The following PTPRZ1 variants were observed in gnomAD, a reference collection of about 807,000 sequenced individuals.
The protein encoded by PTPRZ1 is protein tyrosine phosphatase receptor type Z1, also known as receptor-type tyrosine-protein phosphatase zeta.
Under a neutral mutation model 214.1 loss-of-function variants are expected in PTPRZ1, and 82 were observed. The observed-to-expected ratio is 0.38, with a 90% CI of 0.32 to 0.46. The LOEUF is 0.46. Among genes scored for constraint, PTPRZ1 ranks in the 20% least tolerant of loss-of-function variants. PTPRZ1 has a pLI of 1.00. For missense variants in PTPRZ1, 2,603 were observed against 2,748.7 expected, an observed-to-expected ratio of 0.95 and a Z score of 1.19; for synonymous variants, 945 against 987.9, an observed-to-expected ratio of 0.96 and a Z score of 0.81.
In PTPRZ1 at chr7:121,976,781, A is replaced by G; in HGVS notation, c.553-4A>G. On this transcript the variant is annotated splice_polypyrimidine_tract_variant and splice_region_variant and intron_variant, in intron 5 of 29. Transcript: ENST00000393386. Reference sequence around the variant, plus strand: ...TTTTTTAGAATGTGATTCTTTTTTAACAGGTTGGGACAGAAGAAAATTTGG... The same window carrying G: ...TTTTTTAGAATGTGATTCTTTTTTAGCAGGTTGGGACAGAAGAAAATTTGG... The G allele has an allele frequency of 1.9e-6, 3 of 1,584,942 alleles. No individual in the cohort carries two copies. Among genetic ancestry groups the G allele is most frequent in the Non-Finnish European group, 2.6e-6 (3 of 1,165,852 alleles).
intron 29 of PTPRZ1, among the ~76,000 whole-genome samples, 191 bp from the exon 30 acceptor site, chr7:122,060,889 C>T (rs1792552487): frequency 1.3e-5 from 2 of 152,170 alleles, no homozygotes; most frequent in Middle Eastern, 6.8e-3. Flanking sequence ...AATGGTCTGC[C>T]GATTGCAACG....
chr7:121,966,278 T>G (rs1797045243), intron 2 of PTPRZ1, among the ~76,000 whole-genome samples: 1 of 152,180 alleles, frequency 6.6e-6, no homozygotes, highest in Non-Finnish European at 1.5e-5. Flanking sequence ...TTATATTCAG[T>G]GTTATTGAAG....
intron 6 of PTPRZ1, among the ~76,000 whole-genome samples, chr7:121,977,068 T>C (rs987351930): frequency 1.3e-5 from 2 of 152,216 alleles, no homozygotes; most frequent in African/African-American, 2.4e-5. Context: ...CATGAAACAT[T>C]AATGTAAGTA....
At chr7:121,883,459 T>G (rs924131748) in intron 1 of PTPRZ1, among the ~76,000 whole-genome samples, 2 of 152,236 alleles carry the variant, frequency 1.3e-5, no homozygotes, top group Non-Finnish European at 2.9e-5. Context: ...GTACACAGGC[T>G]TTCTTAACCA....
In PTPRZ1 at chr7:122,005,637, G is replaced by GAT. The variant is rs879935574; in HGVS notation, c.1287+990_1287+991dup. ...ACATACATGCTCACATGCATATGGA[G>GAT]ATATATATATATATGTATATATACA... On this transcript the variant is annotated intron_variant, in intron 11 of 29. Transcript: ENST00000393386. Among the ~76,000 whole-genome samples the GAT allele has an allele frequency of 7.9e-3, 1,183 of 150,588 alleles. 20 individuals are homozygous for GAT. Among genetic ancestry groups the GAT allele is most frequent in the African/African-American group, 0.011 (473 of 41,158 alleles).
At chr7:121,927,492 A>G (rs753159602) in intron 1 of PTPRZ1, among the ~76,000 whole-genome samples, 3 of 152,150 alleles carry the variant, frequency 2.0e-5, no homozygotes, top group Admixed American at 6.5e-5. Context: ...TTCTAGATCT[A>G]GAGACTCTCT....
chr7:122,023,074 G>GACCAT lies in PTPRZ1; in HGVS notation c.4988+3808_4988+3812dup, dbSNP rs1799066776. Among the ~76,000 whole-genome samples, 3 of 152,134 alleles carry GACCAT rather than the reference G, an allele frequency of 2.0e-5. No individual in the cohort carries two copies. In the South Asian group the frequency reaches 6.2e-4, roughly 32 times the overall value. ...CTATACACAAAAATGAACTCATAGG[G>GACCAT]ACCATAGACATCAGTGTAAGAACTA... is the stretch of plus-strand genomic sequence containing the variant. On this transcript the variant is annotated intron_variant, in intron 13 of 29. Coordinates refer to ENST00000393386, the MANE Select transcript of PTPRZ1 (RefSeq NM_002851.3).
At chr7:121,927,594 C>G (rs1795801766) in intron 1 of PTPRZ1, among the ~76,000 whole-genome samples, 1 of 152,186 alleles carries the variant, frequency 6.6e-6, no homozygotes, top group South Asian at 2.1e-4. Flanking sequence ...GTGACAAATT[C>G]ACTCACGCTA....
chr7:122,059,613 A>G, intron 28 of PTPRZ1, 140 bp from the exon 29 acceptor site: 2 of 943,438 alleles, frequency 2.1e-6, no homozygotes, highest in Non-Finnish European at 3.1e-6. Context: ...TTCTTTGTGC[A>G]AAAAGCGAAG....
At chr7:121,938,829 A>T (rs921632578) in intron 2 of PTPRZ1, among the ~76,000 whole-genome samples, 12 of 152,178 alleles carry the variant, frequency 7.9e-5, no homozygotes, top group African/African-American at 2.7e-4. Context: ...TTGTCCTTAC[A>T]CTTCCTAATT....
chr7:121,967,196 C>A (rs1045008636), intron 2 of PTPRZ1, among the ~76,000 whole-genome samples: 3 of 152,106 alleles, frequency 2.0e-5, no homozygotes, highest in African/African-American at 4.8e-5. Context: ...ACGCTTCATA[C>A]TGTGGAACAT....
chr7:121,928,845 G>A (rs1795842332), intron 2 of PTPRZ1, among the ~76,000 whole-genome samples: 1 of 152,204 alleles, frequency 6.6e-6, no homozygotes, highest in South Asian at 2.1e-4. Flanking sequence ...GAAACTCTGG[G>A]AGAGAAAGTT....
intron 13 of PTPRZ1, among the ~76,000 whole-genome samples, chr7:122,023,400 G>C (rs1406531908): frequency 2.0e-5 from 3 of 148,938 alleles, no homozygotes; most frequent in African/African-American, 7.4e-5. Context: ...AGGTTCACTA[G>C]ATCATCTTTA....
At chr7:121,995,473 A>T (rs962888714) in intron 8 of PTPRZ1, among the ~76,000 whole-genome samples, 2 of 152,220 alleles carry the variant, frequency 1.3e-5, no homozygotes, top group African/African-American at 4.8e-5. Flanking sequence ...TTTCCAAATT[A>T]GTCCAAACTA....
At chr7:121,960,909 A>G (rs1444142792) in intron 2 of PTPRZ1, among the ~76,000 whole-genome samples, 1 of 152,144 alleles carries the variant, frequency 6.6e-6, no homozygotes, top group Non-Finnish European at 1.5e-5. Context: ...CATGAACATT[A>G]AAGGGTGCTA....
intron 15 of PTPRZ1, among the ~76,000 whole-genome samples, chr7:122,032,352 T>C (rs1323346684): frequency 6.6e-6 from 1 of 152,218 alleles, no homozygotes; most frequent in African/African-American, 2.4e-5. Flanking sequence ...AAATCAAACT[T>C]CATAGAATTT....
intron 1 of PTPRZ1, among the ~76,000 whole-genome samples, chr7:121,896,790 G>A (rs1291262373): frequency 1.3e-5 from 2 of 149,808 alleles, no homozygotes; most frequent in African/African-American, 4.9e-5. Flanking sequence ...AAAAAAAAAA[G>A]AAACAAGAAC....
In PTPRZ1 at chr7:122,039,498, C is replaced by T. The variant is rs749205282; in HGVS notation, c.5547C>T (p.Tyr1849=). The T allele has an allele frequency of 3.0e-5, 49 of 1,613,758 alleles. No homozygotes were observed. Among genetic ancestry groups the T allele is most frequent in the Non-Finnish European group, 3.6e-5 (42 of 1,179,900 alleles). Residue 1849 remains tyrosine (Y), a synonymous_variant, in exon 20 of 30, where the codon TAC becomes TAT. Transcript: ENST00000393386. ...GGCCTGCCGATGGGAGTGAGGAGTACGGGAACTTTCTGGTCACTCAGAAGA... is the reference window on the plus strand; with the variant it reads ...GGCCTGCCGATGGGAGTGAGGAGTATGGGAACTTTCTGGTCACTCAGAAGA... ...QYWPADGSEE[Y]GNFLVTQKSV... is the part of the protein sequence containing the mutation.
At chr7:121,947,295 C>A (rs892896602) in intron 2 of PTPRZ1, among the ~76,000 whole-genome samples, 1 of 151,656 alleles carries the variant, frequency 6.6e-6, no homozygotes, top group African/African-American at 2.4e-5. Flanking sequence ...CTTAATAGGA[C>A]TTGCATTTTA....
Sources: allele counts gnomAD v4.1 joint callset (sites outside exome capture counted in the v4.1 genomes callset), GRCh38; gene constraint gnomAD v4.1.1; transcripts MANE v1.5; gene names NCBI Gene and HGNC (gene_info 2026-07-23, HGNC 2026-07-21).